The following LPCAT1 variants were observed in gnomAD, a reference collection of about 807,000 sequenced individuals.
LPCAT1 encodes the protein 1-acylglycerol-3-phosphate O-acyltransferase.
In LPCAT1, 23 loss-of-function variants were observed where a neutral mutation model predicts 60.9. The ratio of observed to expected loss-of-function variants is 0.38; its 90% CI spans 0.27 to 0.53. The LOEUF (loss-of-function observed/expected upper bound fraction) is 0.53. Ranked by LOEUF, LPCAT1 falls within the 20% of genes least tolerant of loss-of-function variation. The pLI, the probability that LPCAT1 is intolerant of heterozygous loss-of-function variation, is 0.82. For missense variants in LPCAT1, 622 were observed against 723.6 expected, an observed-to-expected ratio of 0.86 and a Z score of 1.61; for synonymous variants, 340 against 301.1, an observed-to-expected ratio of 1.13 and a Z score of -1.34.
At chr5:1,498,696 CA>C (rs1166235796) in intron 2 of LPCAT1, among the ~76,000 whole-genome samples, 3 of 152,144 alleles carry the variant, frequency 2.0e-5, no homozygotes, top group Non-Finnish European at 1.5e-5. Flanking sequence ...CATACACGTA[CA>C]TGTATGTGCA....
intron 3 of LPCAT1, among the ~76,000 whole-genome samples, chr5:1,490,854 G>A (rs1735550895): frequency 6.6e-6 from 1 of 152,122 alleles, no homozygotes; most frequent in Non-Finnish European, 1.5e-5. Flanking sequence ...TTTGAGGACG[G>A]TGAGCAGGAT....
At chr5:1,494,428 C>G (rs2126566372) in intron 3 of LPCAT1, among the ~76,000 whole-genome samples, 1 of 151,830 alleles carries the variant, frequency 6.6e-6, no homozygotes, top group East Asian at 1.9e-4. Flanking sequence ...GGGGGGGTCC[C>G]TCACTCCCGG....
chr5:1,463,838 G>A lies in LPCAT1; in HGVS notation c.1421-3C>T, dbSNP rs369960304. Reference sequence around the variant, plus strand: ...TTCTGCAAACCTGTGGAAGTCAGCTGGAAAGACAAAGGCACCTGTGGTTAT... The same window carrying A: ...TTCTGCAAACCTGTGGAAGTCAGCTAGAAAGACAAAGGCACCTGTGGTTAT... On this transcript the variant is annotated splice_polypyrimidine_tract_variant and splice_region_variant and intron_variant, in intron 13 of 13. Transcript: ENST00000283415. The A allele has an allele frequency of 6.2e-6, 10 of 1,613,346 alleles. No individual in the cohort carries two copies. Among genetic ancestry groups the A allele is most frequent in the Non-Finnish European group, 6.8e-6 (8 of 1,179,558 alleles).
In LPCAT1 at chr5:1,476,388, G is replaced by A. The variant is rs1399945645; in HGVS notation, c.899+1016C>T. 6.6e-6 allele frequency among the ~76,000 whole-genome samples: 1 copy of A among 152,180 alleles called. No individual in the cohort carries two copies. The highest frequency in any genetic ancestry group is 2.4e-5 in the African/African-American group (1 of 41,432). On this transcript the variant is annotated intron_variant, in intron 9 of 13. Transcript: ENST00000283415. This position sits in a 1 kb window ranked among gnomAD's most constrained non-coding sequence, Gnocchi z 8.6. The stretch of plus-strand genomic sequence containing the variant: ...TCGGACACATGCTTTGGGAGGGAGA[G>A]GATGGGAACGTGAGGGAACGGGCCG...
rs532509440 is a variant in LPCAT1, at chr5:1,462,968, G to A, written c.*683C>T. On this transcript the variant is annotated 3_prime_UTR_variant, in exon 14 of 14. Transcript: ENST00000283415. ...ATTACCTGCTGGAGAGAGGCCTGATGGAAATTTAAGTCAAAGCCCAAACAG... is the reference window on the plus strand; with the variant it reads ...ATTACCTGCTGGAGAGAGGCCTGATAGAAATTTAAGTCAAAGCCCAAACAG... The A allele has an allele frequency of 2.0e-5, 3 of 150,718 alleles. No homozygotes were observed. The highest frequency in any genetic ancestry group is 1.3e-4 in the Admixed American group (2 of 15,136). The allele number at this position is 150,718 out of a possible 1,614,324, so 9.3% of individuals were successfully genotyped here. A position where few individuals can be genotyped will look rare whatever the true frequency, so the allele number is the denominator to read the frequency against.
In LPCAT1 at chr5:1,479,669, T is replaced by C; in HGVS notation, c.768A>G (p.Glu256=). The change falls in exon 8 of 14, where the codon GAA becomes GAG. Residue 256 remains glutamate, a synonymous_variant. Transcript: ENST00000283415. ...TWTWQGPGAL[E]ILWLTLCQFH... ...ACTGACACAGCGTGAGCCACAGGAT[T>C]TCCAGCCTTAAAAACAGATTGCACA... The C allele has an allele frequency of 6.8e-6, 11 of 1,611,676 alleles. No individual in the cohort carries two copies. Among genetic ancestry groups the C allele is most frequent in the Non-Finnish European group, 9.3e-6 (11 of 1,177,800 alleles).
chr5:1,493,653 G>A (rs374672254), intron 3 of LPCAT1, among the ~76,000 whole-genome samples: 1 of 152,296 alleles, frequency 6.6e-6, no homozygotes, highest in African/African-American at 2.4e-5. Context: ...GGACAGAACG[G>A]GCCCAGATGC....
intron 1 of LPCAT1, among the ~76,000 whole-genome samples, 161 bp from the exon 2 acceptor site, chr5:1,501,764 C>A (rs558698303): frequency 6.6e-6 from 1 of 152,200 alleles, no homozygotes; most frequent in South Asian, 2.1e-4. Context: ...CCAGCACTGA[C>A]CGAGGCTGAC....
In LPCAT1 at chr5:1,487,387, C is replaced by T. The variant is rs1247499693; in HGVS notation, c.667+1004G>A. On this transcript the variant is annotated intron_variant, in intron 5 of 13. Coordinates refer to ENST00000283415, the MANE Select transcript of LPCAT1 (RefSeq NM_024830.5). This position sits in a 1 kb window ranked among gnomAD's most constrained non-coding sequence, Gnocchi z 6.1. ...TGGTGAAGACAATGGAACGGGAAGA[C>T]CCAGTACCTTCCAGTGAGCTGCACC... Among the ~76,000 whole-genome samples the T allele has an allele frequency of 1.3e-5, 2 of 152,184 alleles. No individual in the cohort carries two copies. The highest frequency in any genetic ancestry group is 2.9e-5 in the Non-Finnish European group (2 of 68,042).
chr5:1,479,628 T>A lies in LPCAT1; in HGVS notation c.809A>T (p.Glu270Val). 6.2e-7 allele frequency: 1 copy of A among 1,610,414 alleles called. No individual in the cohort carries two copies. Among genetic ancestry groups the A allele is most frequent in the Non-Finnish European group, 8.5e-7 (1 of 1,176,540 alleles). ...CTCTGTATCCATACGAACCTCGATTTCCACTTGGTTGTGAAACTGACACAG... is the reference window on the plus strand; with the variant it reads ...CTCTGTATCCATACGAACCTCGATTACCACTTGGTTGTGAAACTGACACAG... ...LTLCQFHNQV[E>V]IEFLPVYSPS... The change falls in exon 8 of 14, where the codon GAA (glutamate) becomes GTA (valine). Residue 270 changes from glutamate to valine, a missense_variant. By Grantham distance (121) the Glu-to-Val change is moderately radical. Coordinates refer to ENST00000283415, the MANE Select transcript of LPCAT1 (RefSeq NM_024830.5).
chr5:1,464,696 GCACACA>G (rs562349635), intron 13 of LPCAT1, among the ~76,000 whole-genome samples: 2 of 131,896 alleles, frequency 1.5e-5, no homozygotes, highest in African/African-American at 6.1e-5. Context: ...ACACATGCGT[GCACACA>G]CACAAAGAGC....
chr5:1,497,071 G>A (rs1487822291), intron 2 of LPCAT1, among the ~76,000 whole-genome samples: 1 of 152,216 alleles, frequency 6.6e-6, no homozygotes, highest in Non-Finnish European at 1.5e-5. Context: ...GCAGAGGACT[G>A]ACCCCAAGGA....
intron 1 of LPCAT1, among the ~76,000 whole-genome samples, chr5:1,508,225 C>T (rs1736245543): frequency 6.6e-6 from 1 of 152,224 alleles, no homozygotes. Context: ...CCGGCCTGGC[C>T]ACACACCGTC....
intron 12 of LPCAT1, among the ~76,000 whole-genome samples, chr5:1,468,721 T>G (rs539829090): frequency 6.6e-6 from 1 of 152,346 alleles, no homozygotes; most frequent in East Asian, 1.9e-4. Flanking sequence ...CCAAGGCGTA[T>G]GAAGCACATC....
intron 1 of LPCAT1, among the ~76,000 whole-genome samples, chr5:1,515,942 G>A (rs1736494598): frequency 6.6e-6 from 1 of 152,288 alleles, no homozygotes; most frequent in Non-Finnish European, 1.5e-5. Flanking sequence ...ACGTCTGTGA[G>A]GCAAGGCTGA....
At chr5:1,506,355 C>A (rs552478484) in intron 1 of LPCAT1, among the ~76,000 whole-genome samples, 2 of 152,338 alleles carry the variant, frequency 1.3e-5, no homozygotes, top group Middle Eastern at 3.4e-3. Context: ...GGAGCCCTCA[C>A]CAAGGAGAAC....
chr5:1,470,933 A>G lies in LPCAT1; in HGVS notation c.1180-9T>C, dbSNP rs780062121. 2 of 1,610,578 alleles carry G rather than the reference A, an allele frequency of 1.2e-6. No homozygotes were observed. Among genetic ancestry groups the G allele is most frequent in the South Asian group, 1.1e-5 (1 of 90,784 alleles). ...ACCTCGCCGCTGCCGCTCTGTGGGGAGAGACGCTCTCAGCCACAGCTCGGC... is the reference window on the plus strand; with the variant it reads ...ACCTCGCCGCTGCCGCTCTGTGGGGGGAGACGCTCTCAGCCACAGCTCGGC... On this transcript the variant is annotated splice_polypyrimidine_tract_variant and intron_variant, in intron 11 of 13. Coordinates refer to ENST00000283415, the MANE Select transcript of LPCAT1 (RefSeq NM_024830.5).
At chr5:1,474,950 G>A (rs1056675283) in intron 9 of LPCAT1, among the ~76,000 whole-genome samples, 3 of 152,248 alleles carry the variant, frequency 2.0e-5, no homozygotes, top group African/African-American at 4.8e-5. Flanking sequence ...TTGAAACAGC[G>A]TGAGAATTAC....
Position 1,480,984 on chromosome 5 carries a change from G to A in LPCAT1, c.727-8C>T. 1 of 1,613,678 alleles carries A rather than the reference G, an allele frequency of 6.2e-7. No homozygotes were observed. The highest frequency in any genetic ancestry group is 8.5e-7 in the Non-Finnish European group (1 of 1,179,996). On this transcript the variant is annotated splice_region_variant and splice_polypyrimidine_tract_variant and intron_variant, in intron 6 of 13. Transcript: ENST00000283415. This position sits in a 1 kb window ranked among gnomAD's most constrained non-coding sequence, Gnocchi z 6.4. ...CGTCCATGTGATGGTGTCCTGGGGA[G>A]GAAGAGGCAGGGTCAGTCAGCATGG... is the stretch of plus-strand genomic sequence containing the variant.
Sources: gnomAD v4.1 joint callset for allele counts (sites outside exome capture counted in the v4.1 genomes callset) on GRCh38, gnomAD v4.1.1 for gene constraint, Gnocchi (gnomAD v3.1) non-coding constraint, MANE v1.5 for transcripts, NCBI Gene and HGNC (gene_info 2026-07-23, HGNC 2026-07-21) for gene names.